Variants in YWHAE observed in about 807,000 individuals in gnomAD.
YWHAE encodes tyrosine 3-monooxygenase/tryptophan 5-monooxygenase activation protein epsilon.
YWHAE carries 4 observed loss-of-function variants against 30.1 expected under a neutral mutation model. That is an observed-to-expected ratio of 0.13 (90% CI 0.07 to 0.30). The LOEUF is 0.30. Among genes scored for constraint, YWHAE ranks in the 10% least tolerant of loss-of-function variants. The pLI, the probability that YWHAE is intolerant of heterozygous loss-of-function variation, is 1.00. For synonymous variants in YWHAE, 118 were observed against 111.8 expected (o/e 1.06, Z -0.35); for missense variants, 121 against 315.9 (o/e 0.38, Z 4.68).
At chr17:1,387,287 T>C (rs951071417) in intron 1 of YWHAE, among the ~76,000 whole-genome samples, 3 of 152,180 alleles carry the variant, frequency 2.0e-5, no homozygotes, top group African/African-American at 7.2e-5. Flanking sequence ...TACTCCCTCA[T>C]AAACACGTTC....
In YWHAE at chr17:1,394,436, C is replaced by CAAAAAAAAAAA. The variant is rs544115909; in HGVS notation, c.64+5600_64+5610dup. Among the ~76,000 whole-genome samples the CAAAAAAAAAAA allele has an allele frequency of 7.5e-4, 44 of 58,544 alleles. 2 individuals carry two copies. The highest frequency in any genetic ancestry group is 3.2e-3 in the African/African-American group (36 of 11,338). The allele number at this position is 58,544 out of a possible 152,430, so 38.4% of individuals were successfully genotyped here. On this transcript the variant is annotated intron_variant, in intron 1 of 5. Transcript: ENST00000264335. ...GGGCAACATAGAGACCTCAAATCCA[C>CAAAAAAAAAAA]AAAAAAAAAAAAAAAAAAAAAAAAA...
At chr17:1,350,261 T>C (rs1473237160) in intron 5 of YWHAE, among the ~76,000 whole-genome samples, 1 of 152,012 alleles carries the variant, frequency 6.6e-6, no homozygotes, top group Non-Finnish European at 1.5e-5. Flanking sequence ...CGTATTACCC[T>C]ATTTTAAGAT....
intron 4 of YWHAE, 74 bp downstream of exon 4, chr17:1,361,018 A>G: frequency 7.2e-7 from 1 of 1,397,662 alleles, no homozygotes; most frequent in Non-Finnish European, 1.0e-6. Flanking sequence ...AGGCCCAAGA[A>G]ACAACACGGA....
chr17:1,391,785 C>T (rs2073392294), intron 1 of YWHAE, among the ~76,000 whole-genome samples: 1 of 152,078 alleles, frequency 6.6e-6, no homozygotes, highest in Non-Finnish European at 1.5e-5. Context: ...ACCTGGACAA[C>T]ACAGTGGGAT....
At chr17:1,374,606 CT>C (rs773843913) in intron 1 of YWHAE, among the ~76,000 whole-genome samples, 5 of 152,236 alleles carry the variant, frequency 3.3e-5, no homozygotes, top group Non-Finnish European at 5.9e-5. Context: ...GTTAGTTATT[CT>C]TTAAACTAGT....
At chr17:1,363,630 A>G (rs773007423) in intron 2 of YWHAE, among the ~76,000 whole-genome samples, 13 of 152,184 alleles carry the variant, frequency 8.5e-5, no homozygotes, top group Non-Finnish European at 1.8e-4. Context: ...TTGTGCATTC[A>G]TAGTTGGGAT....
At chr17:1,346,329 C>A (rs2072515418) in intron 5 of YWHAE, among the ~76,000 whole-genome samples, 2 of 152,130 alleles carry the variant, frequency 1.3e-5, no homozygotes, top group South Asian at 4.1e-4. Context: ...GTAAAAGTTA[C>A]ATTCACTTGT....
chr17:1,351,694 C>T (rs141532643), intron 5 of YWHAE, among the ~76,000 whole-genome samples: 107 of 152,230 alleles, frequency 7.0e-4, no homozygotes, highest in African/African-American at 2.5e-3. Flanking sequence ...TACAGTGGCG[C>T]AATCGAAGCT....
chr17:1,351,433 C>T (rs1400931782), intron 5 of YWHAE, among the ~76,000 whole-genome samples: 3 of 151,580 alleles, frequency 2.0e-5, no homozygotes, highest in Non-Finnish European at 4.4e-5. Context: ...AGGTCACTTT[C>T]ATTACTTATT....
intron 1 of YWHAE, among the ~76,000 whole-genome samples, chr17:1,372,025 A>G (rs1350245782): frequency 1.3e-5 from 2 of 151,970 alleles, no homozygotes; most frequent in African/African-American, 4.8e-5. Flanking sequence ...TTTTTAGTAC[A>G]GGCAGGGTTT....
At chr17:1,377,079 A>G (rs1021251347) in intron 1 of YWHAE, among the ~76,000 whole-genome samples, 3 of 151,938 alleles carry the variant, frequency 2.0e-5, no homozygotes, top group African/African-American at 7.3e-5. Flanking sequence ...GTGCACGGCT[A>G]ATTTTTATAT....
rs987269069 is a variant in YWHAE at position 1,344,693 on chromosome 17, T to C, written c.*754A>G. The C allele has an allele frequency of 1.3e-5, 3 of 231,552 alleles. No homozygotes were observed. Among genetic ancestry groups the C allele is most frequent in the East Asian group, 6.1e-5 (1 of 16,408 alleles). The allele number at this position is 231,552 out of a possible 1,614,324, so 14.3% of individuals were successfully genotyped here. On this transcript the variant is annotated 3_prime_UTR_variant, in exon 6 of 6. Coordinates refer to ENST00000264335, the MANE Select transcript of YWHAE (RefSeq NM_006761.5). ...AGTTACACATACTGAACAAAAGAGG[T>C]TGAGCGAGCGAAGGAGGGGAGGAGT... is the stretch of plus-strand genomic sequence containing the variant.
intron 1 of YWHAE, among the ~76,000 whole-genome samples, chr17:1,398,310 C>T (rs902686686): frequency 6.9e-6 from 1 of 144,142 alleles, no homozygotes; most frequent in Admixed American, 7.4e-5. Flanking sequence ...CAAAGCAGAC[C>T]TTGAGCTGTA....
rs150032319 is a variant in YWHAE, at chr17:1,400,164, C to G, written c.-54G>C. 0.012 allele frequency: 19,007 copies of G among 1,603,602 alleles called. 275 individuals are homozygous for G. The highest frequency in any genetic ancestry group is 0.061 in the East Asian group (2,734 of 44,834). On this transcript the variant is annotated 5_prime_UTR_variant, in exon 1 of 6. Coordinates refer to ENST00000264335, the MANE Select transcript of YWHAE (RefSeq NM_006761.5). ...CGACGGATGGAAGCGGATAGTGTCT[C>G]CGACTCTCTCAGCCTCTCGCTCCGC... is the stretch of plus-strand genomic sequence containing the variant.
intron 1 of YWHAE, among the ~76,000 whole-genome samples, chr17:1,394,235 C>T (rs1036817284): frequency 6.6e-6 from 1 of 152,060 alleles, no homozygotes. Context: ...TAACGCTCTA[C>T]CTGCTTCAAT....
intron 1 of YWHAE, among the ~76,000 whole-genome samples, chr17:1,375,788 T>G (rs1352064815): frequency 6.6e-6 from 1 of 152,076 alleles, no homozygotes; most frequent in East Asian, 1.9e-4. Context: ...GCCAGTAGAG[T>G]CACAAGTTTT....
At chr17:1,396,710 C>T (rs1435710404) in intron 1 of YWHAE, among the ~76,000 whole-genome samples, 1 of 152,122 alleles carries the variant, frequency 6.6e-6, no homozygotes. Flanking sequence ...ACCGCAACCT[C>T]GGCCTCCCGG....
chr17:1,378,397 A>G (rs1467187181), intron 1 of YWHAE, among the ~76,000 whole-genome samples: 26 of 152,236 alleles, frequency 1.7e-4, no homozygotes, highest in Admixed American at 1.7e-3. Flanking sequence ...CAATTCACAG[A>G]TAATTCATGA....
chr17:1,369,916 G>C (rs1344418998), intron 1 of YWHAE, among the ~76,000 whole-genome samples: 1 of 152,076 alleles, frequency 6.6e-6, no homozygotes, highest in Non-Finnish European at 1.5e-5. Flanking sequence ...GCTCATCTGA[G>C]CCTTCAGCAA....
Sources: gnomAD v4.1 joint callset for allele counts (sites outside exome capture counted in the v4.1 genomes callset) on GRCh38, gnomAD v4.1.1 for gene constraint, MANE v1.5 for transcripts, NCBI Gene and HGNC (gene_info 2026-07-23, HGNC 2026-07-21) for gene names.